The following CSRNP3 variants were observed in gnomAD, a reference collection of about 807,000 sequenced individuals.
CSRNP3 encodes the protein cysteine/serine-rich nuclear protein 3.
A neutral mutation model predicts 48.0 loss-of-function variants in CSRNP3; 12 were observed. That is an observed-to-expected ratio of 0.25 (90% CI 0.16 to 0.41). The LOEUF is 0.41. CSRNP3 is among the 10% of genes least tolerant of loss of function. The probability of loss-of-function intolerance (pLI) is 1.00; values close to 1 mark genes in which losing one functional copy is unlikely to be tolerated. For missense variants in CSRNP3, 580 were observed against 724.4 expected (o/e 0.80, Z 2.29); for synonymous variants, 263 against 269.7 (o/e 0.98, Z 0.24).
At chr2:165,473,538 A>C (rs1353969071) in intron 1 of CSRNP3, among the ~76,000 whole-genome samples, 1 of 152,132 alleles carries the variant, frequency 6.6e-6, no homozygotes, top group Non-Finnish European at 1.5e-5. Flanking sequence ...ATCACAACTC[A>C]AAGGTATTAT....
intron 4 of CSRNP3, among the ~76,000 whole-genome samples, chr2:165,650,586 T>G (rs1437110696): frequency 1.3e-5 from 2 of 152,230 alleles, no homozygotes; most frequent in Non-Finnish European, 2.9e-5. Context: ...TCTTCTGTTT[T>G]TAAGCTAAGC....
intron 4 of CSRNP3, among the ~76,000 whole-genome samples, chr2:165,647,763 C>T (rs1416987482): frequency 6.6e-6 from 1 of 152,158 alleles, no homozygotes; most frequent in African/African-American, 2.4e-5. Context: ...ATAAGATATT[C>T]AATGCTTTGT....
At chr2:165,547,694 G>A (rs937188564) in intron 3 of CSRNP3, among the ~76,000 whole-genome samples, 1 of 151,946 alleles carries the variant, frequency 6.6e-6, no homozygotes, top group Non-Finnish European at 1.5e-5. Flanking sequence ...GGAAATAAGA[G>A]TATATTTGTA....
chr2:165,501,749 A>G (rs912006352), intron 2 of CSRNP3, among the ~76,000 whole-genome samples: 1 of 152,158 alleles, frequency 6.6e-6, no homozygotes, highest in Non-Finnish European at 1.5e-5. Flanking sequence ...ACGTGAGTCA[A>G]CTGAAATAGG....
intron 3 of CSRNP3, among the ~76,000 whole-genome samples, chr2:165,592,247 C>T (rs1010801679): frequency 3.3e-5 from 5 of 152,186 alleles, no homozygotes; most frequent in African/African-American, 1.2e-4. Flanking sequence ...CTTGCATGGG[C>T]CTGTAGCCCC....
In CSRNP3 at chr2:165,667,044, GAGAGAGAA is replaced by G. The variant is rs1307398900; in HGVS notation, c.408+9027_408+9034del. On this transcript the variant is annotated intron_variant, in intron 5 of 6. Transcript: ENST00000651982. ...AAAGAGAGAGAGGAAGAAAGAAAGA[GAGAGAGAA>G]AGGAAGGAAGGAAGGAAAGAGAGAG... Among the ~76,000 whole-genome samples the G allele has an allele frequency of 3.4e-5, 4 of 117,472 alleles. 2 individuals are homozygous for G. Among genetic ancestry groups the G allele is most frequent in the Non-Finnish European group, 7.3e-5 (4 of 54,556 alleles). 77.1% of individuals were successfully genotyped at this position (117,472 alleles called of 152,430 possible). A position where few individuals can be genotyped will look rare whatever the true frequency, so the allele number is the denominator to read the frequency against.
At chr2:165,500,340 T>C (rs1478379626) in intron 2 of CSRNP3, among the ~76,000 whole-genome samples, 3 of 150,446 alleles carry the variant, frequency 2.0e-5, no homozygotes, top group East Asian at 1.9e-4. Flanking sequence ...TATATACATA[T>C]GTATATATGT....
chr2:165,566,772 T>C (rs1373585242), intron 3 of CSRNP3: 1 of 151,938 alleles, frequency 6.6e-6, no homozygotes, highest in African/African-American at 2.4e-5. Context: ...TATCCCTGCC[T>C]CTAGATGGAG....
chr2:165,508,541 G>A (rs1350935656), intron 2 of CSRNP3, among the ~76,000 whole-genome samples: 1 of 151,786 alleles, frequency 6.6e-6, no homozygotes, highest in East Asian at 1.9e-4. Flanking sequence ...TCTTGCCCCT[G>A]CGAGTAACTC....
At chr2:165,578,240 A>G (rs1011575876) in intron 3 of CSRNP3, among the ~76,000 whole-genome samples, 1 of 152,040 alleles carries the variant, frequency 6.6e-6, no homozygotes, top group Non-Finnish European at 1.5e-5. Context: ...TTTCACCACA[A>G]TGCTAGATGG....
intron 4 of CSRNP3, among the ~76,000 whole-genome samples, chr2:165,619,916 A>G (rs1686312250): frequency 6.6e-6 from 1 of 152,178 alleles, no homozygotes; most frequent in Non-Finnish European, 1.5e-5. Context: ...ACATATTCTT[A>G]GTAAGAGCAA....
chr2:165,646,525 G>T (rs1027193660), intron 4 of CSRNP3, among the ~76,000 whole-genome samples: 4 of 152,126 alleles, frequency 2.6e-5, no homozygotes, highest in Non-Finnish European at 5.9e-5. Context: ...AATGTAAAAC[G>T]CAGCAAAACA....
chr2:165,478,895 A>G (rs971324106), intron 1 of CSRNP3, among the ~76,000 whole-genome samples: 5 of 152,230 alleles, frequency 3.3e-5, no homozygotes, highest in Non-Finnish European at 5.9e-5. Flanking sequence ...ACAAGATAAC[A>G]TGTTCACAGA....
intron 3 of CSRNP3, among the ~76,000 whole-genome samples, chr2:165,546,762 C>T (rs1251148977): frequency 4.6e-5 from 7 of 152,010 alleles, no homozygotes; most frequent in African/African-American, 1.7e-4. Flanking sequence ...TCTTTATTAC[C>T]TAGAAGAAAG....
rs191850939 is a variant in CSRNP3, at chr2:165,555,913, A to G, written c.-24+37952A>G. Among the ~76,000 whole-genome samples the G allele has an allele frequency of 1.6e-4, 25 of 152,326 alleles. 2 individuals carry two copies. In the East Asian group the frequency reaches 3.7e-3, roughly 22 times the overall value. On this transcript the variant is annotated intron_variant, in intron 3 of 6. Transcript: ENST00000651982. ...GATCAAAGGTAAGACTGAGACGGGA[A>G]GTGGAGTCCAGATGGTGGAGGGACT...
chr2:165,530,462 G>A (rs1382624978), intron 3 of CSRNP3, among the ~76,000 whole-genome samples: 4 of 152,142 alleles, frequency 2.6e-5, no homozygotes, highest in African/African-American at 9.6e-5. Context: ...TATGATTTGT[G>A]TAAGGATGAA....
chr2:165,586,612 G>A (rs940031156), intron 3 of CSRNP3, among the ~76,000 whole-genome samples: 1 of 152,038 alleles, frequency 6.6e-6, no homozygotes. Context: ...CTCAGACATG[G>A]GGATTTATGG....
chr2:165,623,338 T>C (rs1351740142), intron 4 of CSRNP3, among the ~76,000 whole-genome samples: 1 of 152,106 alleles, frequency 6.6e-6, no homozygotes, highest in Admixed American at 6.5e-5. Flanking sequence ...TAGATTCTCG[T>C]GGGAGCACAG....
At chr2:165,541,185 A>G (rs1684952094) in intron 3 of CSRNP3, among the ~76,000 whole-genome samples, 1 of 150,962 alleles carries the variant, frequency 6.6e-6, no homozygotes, top group Non-Finnish European at 1.5e-5. Context: ...CTCTACCTGA[A>G]TAGCTGCTAT....
Sources: gnomAD v4.1 joint callset for allele counts (sites outside exome capture counted in the v4.1 genomes callset) on GRCh38, gnomAD v4.1.1 for gene constraint, MANE v1.5 for transcripts, NCBI Gene and HGNC (gene_info 2026-07-23, HGNC 2026-07-21) for gene names.